The following EYA2 variants were observed in gnomAD, a reference collection of about 807,000 sequenced individuals.
The protein encoded by EYA2 is protein phosphatase EYA2.
Under a neutral mutation model 69.2 loss-of-function variants are expected in EYA2, and 31 were observed. That is an observed-to-expected ratio of 0.45 (90% CI 0.34 to 0.60). The LOEUF (loss-of-function observed/expected upper bound fraction) is 0.60, where lower values mean the gene tolerates loss of function less well. Among genes scored for constraint, EYA2 ranks in the 20% least tolerant of loss-of-function variants. The probability of loss-of-function intolerance (pLI) is 0.02; values close to 1 mark genes in which losing one functional copy is unlikely to be tolerated. For missense variants in EYA2, 622 were observed against 701.2 expected (o/e 0.89, Z 1.28); for synonymous variants, 257 against 279.4 (o/e 0.92, Z 0.80).
intron 5 of EYA2, among the ~76,000 whole-genome samples, chr20:47,047,756 C>CAGTT (rs2030120786): frequency 6.6e-6 from 1 of 151,864 alleles, no homozygotes; most frequent in African/African-American, 2.4e-5. Flanking sequence ...AAGTGCCACA[C>CAGTT]AGTTAATAGC....
intron 1 of EYA2, among the ~76,000 whole-genome samples, chr20:46,907,642 C>T (rs142100115): frequency 6.6e-6 from 1 of 152,318 alleles, no homozygotes; most frequent in Non-Finnish European, 1.5e-5. Flanking sequence ...AGTTCGAGAC[C>T]AGCCTGGCCA....
chr20:47,089,162 G>A, intron 7 of EYA2, 77 bp from the exon 8 acceptor site: 3 of 1,553,054 alleles, frequency 1.9e-6, no homozygotes, highest in South Asian at 1.2e-5. Flanking sequence ...GAGCTAGACG[G>A]TGCTGTTGGG....
chr20:47,089,353 C>G lies in EYA2; in HGVS notation c.776C>G (p.Pro259Arg), dbSNP rs201200636. The G allele has an allele frequency of 1.9e-6, 3 of 1,613,950 alleles. No homozygotes were observed. Among genetic ancestry groups the G allele is most frequent in the Non-Finnish European group, 1.7e-6 (2 of 1,179,974 alleles). ...GGCCGGTCTAAGAGGAGCAGTGACC[C>G]GTCCCCGGCAGGGGACAATGAGATT... ...LRGRSKRSSD[P>R]SPAGDNEIER... The change falls in exon 8 of 16, where the codon CCG (proline) becomes CGG (arginine). Residue 259 changes from proline (P) to arginine (R), a missense_variant. By Grantham distance (103) the Pro-to-Arg change is moderately radical. Around this residue, in one of 2 missense-constraint regions of EYA2, gnomAD observed 365 missense variants for 349.7 expected, o/e 1.04. Coordinates refer to ENST00000327619, the MANE Select transcript of EYA2 (RefSeq NM_005244.5).
At chr20:47,089,202 G>A (rs2031991694) in intron 7 of EYA2, 37 bp from the exon 8 acceptor site, 1 of 1,606,872 alleles carries the variant, frequency 6.2e-7, no homozygotes, top group African/African-American at 1.3e-5. Context: ...ACCCAGCAAA[G>A]CTTCTGATTT....
Position 46,934,603 on chromosome 20 carries a change from T to C in EYA2, c.-11+39616T>C, listed in dbSNP as rs76992613. On this transcript the variant is annotated intron_variant, in intron 1 of 15. Transcript: ENST00000327619. ...GAGGCTCTCCAAGGGAAAGTGAGGA[T>C]GCTGCTAGGGAAGAGGAGGTGGATG... 1.1e-4 allele frequency among the ~76,000 whole-genome samples: 16 copies of C among 152,164 alleles called. 1 individual carries two copies. The East Asian group carries it at 3.1e-3, about 29-fold the overall frequency.
At chr20:47,169,835 G>C (rs2034282575) in intron 11 of EYA2, among the ~76,000 whole-genome samples, 2 of 152,022 alleles carry the variant, frequency 1.3e-5, no homozygotes, top group South Asian at 4.2e-4. Flanking sequence ...TCCTCCTCCA[G>C]CAGTCTTCGT....
chr20:46,905,223 T>C (rs1984297343), intron 1 of EYA2, among the ~76,000 whole-genome samples: 1 of 152,026 alleles, frequency 6.6e-6, no homozygotes, highest in Non-Finnish European at 1.5e-5. Context: ...TATACATGTG[T>C]CCATTTAACA....
intron 7 of EYA2, among the ~76,000 whole-genome samples, chr20:47,084,920 C>T (rs1296198282): frequency 1.3e-5 from 2 of 150,396 alleles, no homozygotes; most frequent in Non-Finnish European, 2.9e-5. Context: ...ACTGCAGCCT[C>T]AACCTCCTGG....
At chr20:46,901,920 G>A (rs772081374) in intron 1 of EYA2, among the ~76,000 whole-genome samples, 11 of 152,238 alleles carry the variant, frequency 7.2e-5, no homozygotes, top group Non-Finnish European at 1.2e-4. Context: ...GCTGTCCAGT[G>A]CTCTCCTCTT....
intron 7 of EYA2, among the ~76,000 whole-genome samples, chr20:47,078,119 T>G (rs1311483617): frequency 6.6e-6 from 1 of 152,214 alleles, no homozygotes; most frequent in Non-Finnish European, 1.5e-5. Context: ...TTTTCTGTCT[T>G]GTTTCCCTCT....
intron 9 of EYA2, among the ~76,000 whole-genome samples, chr20:47,115,258 G>A (rs77039205): frequency 6.2e-4 from 95 of 152,208 alleles, no homozygotes; most frequent in Non-Finnish European, 1.1e-3. Context: ...CAGGGAAGCA[G>A]ACTGCTCCCA....
intron 7 of EYA2, among the ~76,000 whole-genome samples, chr20:47,087,004 GCAT>G (rs1243955093): frequency 2.6e-5 from 4 of 152,072 alleles, no homozygotes; most frequent in Admixed American, 2.6e-4. Context: ...TTGCTCTTCA[GCAT>G]CTGTGAATTG....
chr20:47,051,764 C>A (rs2030341463), intron 5 of EYA2, among the ~76,000 whole-genome samples: 1 of 152,214 alleles, frequency 6.6e-6, no homozygotes, highest in African/African-American at 2.4e-5. Context: ...TCATCAGTAT[C>A]CTGCTTAGGA....
chr20:47,090,314 A>G (rs1333045060), intron 8 of EYA2, among the ~76,000 whole-genome samples: 2 of 144,164 alleles, frequency 1.4e-5, no homozygotes, highest in Non-Finnish European at 3.0e-5. Flanking sequence ...ATCTCGGCTC[A>G]CCGCAACCTC....
At chr20:47,142,604 G>A (rs2033619526) in intron 9 of EYA2, among the ~76,000 whole-genome samples, 2 of 152,218 alleles carry the variant, frequency 1.3e-5, no homozygotes, top group Admixed American at 6.5e-5. Flanking sequence ...AAGGCAGTGT[G>A]CCTAGAGAGA....
intron 4 of EYA2, 103 bp downstream of exon 4, chr20:47,005,187 A>T: frequency 1.5e-6 from 2 of 1,349,006 alleles, no homozygotes; most frequent in Non-Finnish European, 2.0e-6. Flanking sequence ...GACACAACCA[A>T]GCTGATTTTG....
At chr20:47,161,594 C>A (rs530098172) in intron 10 of EYA2, 50 of 279,716 alleles carry the variant, frequency 1.8e-4, no homozygotes, top group Non-Finnish European at 3.3e-4. Flanking sequence ...GGCCTTGGCC[C>A]GGGCCCTGTC....
At chr20:46,959,473 T>C (rs765313172) in intron 1 of EYA2, among the ~76,000 whole-genome samples, 1 of 151,854 alleles carries the variant, frequency 6.6e-6, no homozygotes, top group Non-Finnish European at 1.5e-5. Context: ...GGGTGTGGAG[T>C]GAAGGGCAGA....
chr20:47,143,813 T>C (rs1425326108), intron 10 of EYA2, among the ~76,000 whole-genome samples: 2 of 152,162 alleles, frequency 1.3e-5, no homozygotes, highest in Non-Finnish European at 2.9e-5. Context: ...AGCAAAGCTA[T>C]GTCATGAATA....
Sources: gnomAD v4.1 joint callset for allele counts (sites outside exome capture counted in the v4.1 genomes callset) on GRCh38, gnomAD v4.1.1 for gene constraint, gnomAD v4.1.1 regional missense constraint, MANE v1.5 for transcripts, NCBI Gene and HGNC (gene_info 2026-07-23, HGNC 2026-07-21) for gene names.